MICU1: variants seen among roughly 807,000 people sequenced by gnomAD.
MICU1 encodes the protein mitochondrial calcium uptake 1, also known as calcium uptake protein 1, mitochondrial.
A neutral mutation model predicts 56.8 loss-of-function variants in MICU1; 45 were observed. The ratio of observed to expected loss-of-function variants is 0.79; its 90% CI spans 0.62 to 1.02. MICU1 has a LOEUF of 1.02. MICU1 is among the 50% of genes least tolerant of loss of function. The pLI, the probability that MICU1 is intolerant of heterozygous loss-of-function variation, is 0.00. For synonymous variants in MICU1, 186 were observed against 195.1 expected, an observed-to-expected ratio of 0.95 and a Z score of 0.39; for missense variants, 504 against 587.1, an observed-to-expected ratio of 0.86 and a Z score of 1.46.
At chr10:72,522,231 A>G (rs1191340020) in intron 5 of MICU1, among the ~76,000 whole-genome samples, 1 of 152,116 alleles carries the variant, frequency 6.6e-6, no homozygotes, top group Non-Finnish European at 1.5e-5. Context: ...AATATAAGAA[A>G]AAAGAAGTTG....
chr10:72,368,949 A>T (rs1862236079), intron 11 of MICU1, among the ~76,000 whole-genome samples: 1 of 152,150 alleles, frequency 6.6e-6, no homozygotes, highest in Non-Finnish European at 1.5e-5. Context: ...ATTGCTGGAC[A>T]CTAAAGAAGC....
chr10:72,424,814 A>G (rs1864295608), intron 8 of MICU1, among the ~76,000 whole-genome samples: 2 of 152,154 alleles, frequency 1.3e-5, no homozygotes, highest in African/African-American at 4.8e-5. Flanking sequence ...GTACAATAGC[A>G]CTGTGTTGTT....
chr10:72,446,928 C>T (rs1435571847), intron 8 of MICU1, among the ~76,000 whole-genome samples: 1 of 152,114 alleles, frequency 6.6e-6, no homozygotes, highest in Non-Finnish European at 1.5e-5. Flanking sequence ...GAGAAATAAA[C>T]TTTCTGTCTT....
At position 72,536,416 on chromosome 10, in the gene MICU1, G is replaced by A. The variant is rs895729063; in HGVS notation, c.494-2627C>T. 2.1e-4 allele frequency among the ~76,000 whole-genome samples: 32 copies of A among 151,940 alleles called. 1 individual carries two copies. Among genetic ancestry groups the A allele is most frequent in the African/African-American group, 7.0e-4 (29 of 41,422 alleles). ...GGCTGGAGTGCAGTGGCATGATCTC[G>A]GCTCACTGCAACCTCCACCTCCTGG... On this transcript the variant is annotated intron_variant, in intron 4 of 11. Transcript: ENST00000361114.
chr10:72,575,398 C>T (rs1840715044), intron 1 of MICU1, among the ~76,000 whole-genome samples: 1 of 152,088 alleles, frequency 6.6e-6, no homozygotes, highest in South Asian at 2.1e-4. Context: ...TAAAATGTTA[C>T]ACAGAAGCAC....
intron 6 of MICU1, among the ~76,000 whole-genome samples, chr10:72,494,433 T>C (rs1866769096): frequency 6.7e-6 from 1 of 148,954 alleles, no homozygotes; most frequent in South Asian, 2.1e-4. Flanking sequence ...AAATGTAATG[T>C]ATATTCTCCA....
At chr10:72,533,285 G>C in intron 5 of MICU1, 1 of 498,168 alleles carries the variant, frequency 2.0e-6, no homozygotes, top group Non-Finnish European at 3.1e-6. Context: ...AATAAGTATA[G>C]TGCAAACTTA....
intron 8 of MICU1, among the ~76,000 whole-genome samples, chr10:72,462,450 G>A (rs1865666580): frequency 6.6e-6 from 1 of 152,054 alleles, no homozygotes; most frequent in Admixed American, 6.6e-5. Flanking sequence ...CTGACTCATG[G>A]TAAGCTCTCA....
At chr10:72,517,594 T>C (rs2132372013) in intron 5 of MICU1, among the ~76,000 whole-genome samples, 1 of 152,130 alleles carries the variant, frequency 6.6e-6, no homozygotes, top group South Asian at 2.1e-4. Flanking sequence ...CGCATAAGAA[T>C]GATACAATGG....
At chr10:72,544,172 G>A (rs1260732053) in intron 4 of MICU1, among the ~76,000 whole-genome samples, 3 of 151,640 alleles carry the variant, frequency 2.0e-5, no homozygotes, top group Admixed American at 6.6e-5. Flanking sequence ...TCACGTACCC[G>A]CTGCTTGCTC....
At chr10:72,589,044 T>C (rs1348540766) in intron 1 of MICU1, among the ~76,000 whole-genome samples, 1 of 152,184 alleles carries the variant, frequency 6.6e-6, no homozygotes, top group Non-Finnish European at 1.5e-5. Flanking sequence ...TCCCAGCACT[T>C]TGGGAGGCCG....
At chr10:72,543,503 A>T (rs1041173772) in intron 4 of MICU1, among the ~76,000 whole-genome samples, 3 of 98,214 alleles carry the variant, frequency 3.1e-5, no homozygotes, top group African/African-American at 6.8e-5. Context: ...GCGAGACCCC[A>T]TCTCAATCAA....
At chr10:72,377,212 C>T (rs1002771951) in intron 10 of MICU1, among the ~76,000 whole-genome samples, 39 of 152,158 alleles carry the variant, frequency 2.6e-4, no homozygotes, top group East Asian at 5.8e-4. Context: ...CACTGCCTTC[C>T]GGGTTCAAAC....
rs972818523 is a variant in MICU1 at position 72,444,931 on chromosome 10, C to T, written c.934-21560G>A. On this transcript the variant is annotated intron_variant, in intron 8 of 11. Coordinates refer to ENST00000361114, the MANE Select transcript of MICU1 (RefSeq NM_001195518.2). ...TCCAGTCTACACTCTTAAATACCTA[C>T]GGAGAGAATGTGATACTTCATTAGA... Among the ~76,000 whole-genome samples the T allele has an allele frequency of 1.1e-4, 16 of 152,308 alleles. No homozygotes were observed. In the East Asian group the frequency reaches 2.5e-3, roughly 24 times the overall value.
At chr10:72,542,761 C>T (rs565046657) in intron 4 of MICU1, among the ~76,000 whole-genome samples, 7 of 152,196 alleles carry the variant, frequency 4.6e-5, no homozygotes, top group African/African-American at 9.6e-5. Context: ...AGCCTTTTTT[C>T]GGTATCTGCA....
intron 2 of MICU1, among the ~76,000 whole-genome samples, chr10:72,563,334 C>G (rs1027390373): frequency 6.6e-6 from 1 of 152,174 alleles, no homozygotes; most frequent in Admixed American, 6.5e-5. Flanking sequence ...ACTCAAAAGT[C>G]CATTGGCAGA....
At chr10:72,565,513 T>C (rs1161476012) in intron 2 of MICU1, among the ~76,000 whole-genome samples, 3 of 138,226 alleles carry the variant, frequency 2.2e-5, no homozygotes, top group Non-Finnish European at 4.7e-5. Flanking sequence ...GGGGGAGGGA[T>C]AGCATTAGGA....
chr10:72,500,321 T>A (rs1867026466), intron 6 of MICU1, among the ~76,000 whole-genome samples: 1 of 98,022 alleles, frequency 1.0e-5, no homozygotes, highest in African/African-American at 4.0e-5. Context: ...TTTTTTTTTT[T>A]TTTTTTTTTT....
intron 4 of MICU1, among the ~76,000 whole-genome samples, chr10:72,536,311 A>G (rs1044869052): frequency 2.6e-5 from 4 of 152,160 alleles, no homozygotes; most frequent in African/African-American, 9.7e-5. Flanking sequence ...ATAAATATGT[A>G]CAATTATTAT....
Sources: allele counts gnomAD v4.1 joint callset (sites outside exome capture counted in the v4.1 genomes callset), GRCh38; gene constraint gnomAD v4.1.1; transcripts MANE v1.5; gene names NCBI Gene and HGNC (gene_info 2026-07-23, HGNC 2026-07-21).